OSBPL6: variants seen among roughly 807,000 people sequenced by gnomAD.
OSBPL6 encodes the protein oxysterol binding protein like 6, also known as oxysterol-binding protein-related protein 6.
Under a neutral mutation model 125.8 loss-of-function variants are expected in OSBPL6, and 49 were observed. That is an observed-to-expected ratio of 0.39 (90% confidence interval 0.31 to 0.49). The LOEUF (loss-of-function observed/expected upper bound fraction) is 0.49. Ranked by LOEUF, OSBPL6 falls within the 20% of genes least tolerant of loss-of-function variation. OSBPL6 has a pLI of 0.88. For missense variants in OSBPL6, 986 were observed against 1,135.4 expected (o/e 0.87, Z 1.89); for synonymous variants, 394 against 391.8 (o/e 1.01, Z -0.07).
intron 11 of OSBPL6, among the ~76,000 whole-genome samples, chr2:178,346,363 A>G (rs566805231): frequency 1.3e-5 from 2 of 152,326 alleles, no homozygotes; most frequent in South Asian, 2.1e-4. Flanking sequence ...TAAGCATAGT[A>G]TCTACCTTAG....
chr2:178,328,136 T>C, intron 4 of OSBPL6, 120 bp from the exon 5 acceptor site: 5 of 1,300,754 alleles, frequency 3.8e-6, no homozygotes, highest in Non-Finnish European at 5.3e-6. Flanking sequence ...GGAATGTTGT[T>C]CATCCTTCTT....
intron 3 of OSBPL6, among the ~76,000 whole-genome samples, chr2:178,311,648 C>A (rs974419821): frequency 6.6e-6 from 1 of 152,222 alleles, no homozygotes; most frequent in Non-Finnish European, 1.5e-5. Context: ...GGGAGCTCGG[C>A]TCCAGAGGTC....
In OSBPL6 at chr2:178,400,980, C is replaced by A. The variant is rs1378648274; in HGVS notation, c.*5421C>A. On this transcript the variant is annotated 3_prime_UTR_variant, in exon 25 of 25. Coordinates refer to ENST00000190611, the MANE Select transcript of OSBPL6 (RefSeq NM_032523.4). ...CCGGTACAAATTTTAGATTTTCCCC[C>A]AAAAATGAAAAAAAATTATTTAAAA... The A allele has an allele frequency of 3.8e-4, 57 of 151,518 alleles. No individual in the cohort carries two copies. Among genetic ancestry groups the A allele is most frequent in the Admixed American group, 3.7e-3 (57 of 15,258 alleles). The allele number at this position is 151,518 out of a possible 1,614,324, so 9.4% of individuals were successfully genotyped here.
chr2:178,300,341 G>A (rs1686166075), intron 2 of OSBPL6, among the ~76,000 whole-genome samples: 1 of 152,190 alleles, frequency 6.6e-6, no homozygotes, highest in Non-Finnish European at 1.5e-5. Context: ...TGGGACTGTG[G>A]ACACACATTC....
chr2:178,210,627 A>AT (rs1269910541), intron 1 of OSBPL6, among the ~76,000 whole-genome samples: 2 of 151,878 alleles, frequency 1.3e-5, no homozygotes, highest in Non-Finnish European at 2.9e-5. Context: ...GCCAACCAAC[A>AT]TGGTGAAACC....
chr2:178,330,707 C>T (rs1444947201), intron 5 of OSBPL6, among the ~76,000 whole-genome samples: 2 of 152,136 alleles, frequency 1.3e-5, no homozygotes, highest in East Asian at 3.8e-4. Context: ...AAAAACTTAC[C>T]AGCAGAGTAA....
chr2:178,388,273 G>T (rs1291877136), intron 20 of OSBPL6, among the ~76,000 whole-genome samples: 1 of 152,118 alleles, frequency 6.6e-6, no homozygotes, highest in South Asian at 2.1e-4. Flanking sequence ...TTTTCCCGAA[G>T]AATTATTCAC....
chr2:178,304,691 T>C (rs888095593), intron 2 of OSBPL6, among the ~76,000 whole-genome samples: 6 of 152,118 alleles, frequency 3.9e-5, no homozygotes, highest in South Asian at 2.1e-4. Flanking sequence ...TGGGGTTAGG[T>C]TTCTAACACA....
At chr2:178,244,378 C>T (rs1228423721) in intron 1 of OSBPL6, among the ~76,000 whole-genome samples, 1 of 152,160 alleles carries the variant, frequency 6.6e-6, no homozygotes, top group Non-Finnish European at 1.5e-5. Context: ...ATAGGCTTAG[C>T]TATTTATTTA....
At chr2:178,265,986 G>A (rs191119505) in intron 1 of OSBPL6, among the ~76,000 whole-genome samples, 18 of 152,302 alleles carry the variant, frequency 1.2e-4, no homozygotes, top group East Asian at 3.9e-4. Context: ...AGAGAGATCC[G>A]GCCCAGCCTG....
intron 1 of OSBPL6, among the ~76,000 whole-genome samples, chr2:178,256,432 T>A (rs1234514336): frequency 6.6e-6 from 1 of 152,164 alleles, no homozygotes; most frequent in Non-Finnish European, 1.5e-5. Flanking sequence ...GAACAAGTAG[T>A]CAGTTTCAAG....
intron 15 of OSBPL6, among the ~76,000 whole-genome samples, chr2:178,381,992 C>T (rs779778651): frequency 3.3e-5 from 5 of 152,218 alleles, no homozygotes; most frequent in Non-Finnish European, 5.9e-5. Flanking sequence ...CCTATTCATT[C>T]TCTAACACCC....
At chr2:178,382,595 G>A (rs55831332) in intron 16 of OSBPL6, 88 bp downstream of exon 16, 7 of 1,559,324 alleles carry the variant, frequency 4.5e-6, no homozygotes, top group South Asian at 2.3e-5. Context: ...CCCCTCCCAC[G>A]CCACCCCCAC....
chr2:178,251,667 A>T (rs1384235449), intron 1 of OSBPL6, among the ~76,000 whole-genome samples: 6 of 152,186 alleles, frequency 3.9e-5, no homozygotes, highest in Admixed American at 3.9e-4. Context: ...GTTCTTTCTG[A>T]TCACGCACTC....
intron 16 of OSBPL6, 32 bp from the exon 17 acceptor site, chr2:178,382,992 A>C: frequency 1.2e-6 from 2 of 1,609,864 alleles, no homozygotes; most frequent in Non-Finnish European, 1.7e-6. Context: ...AGAACAGCAA[A>C]GTGTCCTTCA....
intron 1 of OSBPL6, among the ~76,000 whole-genome samples, chr2:178,201,591 G>A (rs2089263020): frequency 6.6e-6 from 1 of 152,134 alleles, no homozygotes; most frequent in Non-Finnish European, 1.5e-5. Flanking sequence ...TAGCAGATTA[G>A]TCTTTCCAGC....
In OSBPL6 at chr2:178,339,718, G is replaced by C; in HGVS notation, c.941G>C (p.Arg314Pro). The C allele has an allele frequency of 6.2e-7, 1 of 1,606,140 alleles. No homozygotes were observed. Among genetic ancestry groups the C allele is most frequent in the Non-Finnish European group, 8.5e-7 (1 of 1,176,572 alleles). Residue 314 changes from arginine to proline, a missense_variant, in exon 11 of 25, where the codon CGA (arginine) becomes CCA (proline). Around this residue, in one of 3 missense-constraint regions of OSBPL6, gnomAD observed 843 missense variants for 997.3 expected, o/e 0.85. Coordinates refer to ENST00000190611, the MANE Select transcript of OSBPL6 (RefSeq NM_032523.4). ...ISKKDKRVTR[R>P]WRTKSVSKDT... ...AAGAAAGACAAGCGGGTCACAAGACGATGGAGAACAAAAAGTGTCAGCAAA... is the reference window on the plus strand; with the variant it reads ...AAGAAAGACAAGCGGGTCACAAGACCATGGAGAACAAAAAGTGTCAGCAAA...
rs1235042770 is a variant in OSBPL6, at chr2:178,320,342, G to A, written c.103-3835G>A. The A allele has an allele frequency of 3.1e-6, 5 of 1,612,872 alleles. No individual in the cohort carries two copies. The South Asian group carries it at 4.4e-5, about 14-fold the overall frequency. On this transcript the variant is annotated intron_variant, in intron 3 of 24. Transcript: ENST00000190611. ...GAGCTACAGTGAAATATGTGTTCCAGGTTCCTGGTTTTAAGCTAAATATGC... is the reference window on the plus strand; with the variant it reads ...GAGCTACAGTGAAATATGTGTTCCAAGTTCCTGGTTTTAAGCTAAATATGC...
In OSBPL6 at chr2:178,213,721, G is replaced by A. The variant is rs111292756; in HGVS notation, c.-351+19047G>A. On this transcript the variant is annotated intron_variant, in intron 1 of 24. Coordinates refer to ENST00000190611, the MANE Select transcript of OSBPL6 (RefSeq NM_032523.4). ...CCAATCATTGTCTTTTATTTGTGTG[G>A]CTGTTTGAACTTATATGTTCCCCAT... 6.6e-5 allele frequency among the ~76,000 whole-genome samples: 10 copies of A among 152,294 alleles called. 1 individual carries two copies. Among genetic ancestry groups the A allele is most frequent in the African/African-American group, 2.4e-4 (10 of 41,554 alleles).
Sources: allele counts gnomAD v4.1 joint callset (sites outside exome capture counted in the v4.1 genomes callset), GRCh38; gene constraint gnomAD v4.1.1; regional missense constraint gnomAD v4.1.1; transcripts MANE v1.5; gene names NCBI Gene and HGNC (gene_info 2026-07-23, HGNC 2026-07-21).